PTPN4: variants seen among roughly 807,000 people sequenced by gnomAD.
PTPN4 encodes tyrosine-protein phosphatase non-receptor type 4.
PTPN4 carries 49 observed loss-of-function variants against 135.5 expected under a neutral mutation model. The ratio of observed to expected loss-of-function variants is 0.36; its 90% CI spans 0.29 to 0.46. The LOEUF (loss-of-function observed/expected upper bound fraction) is 0.46, where lower values mean the gene tolerates loss of function less well. PTPN4 is among the 20% of genes least tolerant of loss of function. The probability of loss-of-function intolerance (pLI) is 1.00; values close to 1 mark genes in which losing one functional copy is unlikely to be tolerated. For missense variants in PTPN4, 860 were observed against 1,101.0 expected, an observed-to-expected ratio of 0.78 and a Z score of 3.10; for synonymous variants, 333 against 369.9, an observed-to-expected ratio of 0.90 and a Z score of 1.14.
At chr2:119,912,071 A>T (rs1678578957) in intron 10 of PTPN4, among the ~76,000 whole-genome samples, 1 of 152,244 alleles carries the variant, frequency 6.6e-6, no homozygotes, top group South Asian at 2.1e-4. Context: ...ATGTTGTGGT[A>T]TATCCATAGA....
intron 12 of PTPN4, among the ~76,000 whole-genome samples, chr2:119,922,683 A>G (rs914643884): frequency 5.3e-5 from 8 of 152,180 alleles, no homozygotes; most frequent in Non-Finnish European, 1.5e-5. Flanking sequence ...TCAGGGTCAA[A>G]TTGGAATCAT....
intron 9 of PTPN4, among the ~76,000 whole-genome samples, chr2:119,893,148 A>G (rs186497359): frequency 2.0e-5 from 3 of 152,300 alleles, no homozygotes; most frequent in Non-Finnish European, 4.4e-5. Flanking sequence ...TTGTTTTGAG[A>G]GTATACTATA....
At position 119,845,395 on chromosome 2, in the gene PTPN4, C is replaced by T. The variant is rs1010246320; in HGVS notation, c.139-17141C>T. On this transcript the variant is annotated intron_variant, in intron 2 of 26. Coordinates refer to ENST00000263708, the MANE Select transcript of PTPN4 (RefSeq NM_002830.4). ...TATGAAAAGTTGTTTCTAATTCAGT[C>T]TCTTTACTTATGATAGGTATATTTA... is the stretch of plus-strand genomic sequence containing the variant. Among the ~76,000 whole-genome samples, 6 of 152,146 alleles carry T rather than the reference C, an allele frequency of 3.9e-5. No homozygotes were observed. In the East Asian group the frequency reaches 5.8e-4, roughly 15 times the overall value.
At chr2:119,931,418 T>G (rs1485687483) in intron 13 of PTPN4, among the ~76,000 whole-genome samples, 1 of 146,956 alleles carries the variant, frequency 6.8e-6, no homozygotes, top group Non-Finnish European at 1.5e-5. Context: ...TATGAAGATC[T>G]TTCTTTCTTT....
At chr2:119,844,809 T>C (rs906111274) in intron 2 of PTPN4, among the ~76,000 whole-genome samples, 1 of 130,164 alleles carries the variant, frequency 7.7e-6, no homozygotes, top group Non-Finnish European at 1.6e-5. Flanking sequence ...TCCCAGACGA[T>C]GGGCGGCCAG....
At chr2:119,885,325 G>T (rs1453945283) in intron 8 of PTPN4, among the ~76,000 whole-genome samples, 1 of 152,104 alleles carries the variant, frequency 6.6e-6, no homozygotes, top group Non-Finnish European at 1.5e-5. Context: ...CAGGCAGATT[G>T]CTATACAAGC....
rs1679695555 is a variant in PTPN4, at chr2:119,981,594, G to T, written c.*4524G>T. 1 of 151,954 alleles carries T rather than the reference G, an allele frequency of 6.6e-6. No homozygotes were observed. Among genetic ancestry groups the T allele is most frequent in the Non-Finnish European group, 1.5e-5 (1 of 67,932 alleles). 9.4% of individuals were successfully genotyped at this position (151,954 alleles called of 1,614,324 possible). On this transcript the variant is annotated 3_prime_UTR_variant, in exon 27 of 27. Transcript: ENST00000263708. ...AATTACATAATCCTAAAACATTTTTGAGGGCTAATTGATAATAATTTCAGC... is the reference window on the plus strand; with the variant it reads ...AATTACATAATCCTAAAACATTTTTTAGGGCTAATTGATAATAATTTCAGC...
intron 2 of PTPN4, among the ~76,000 whole-genome samples, chr2:119,820,447 T>C (rs1228115283): frequency 6.6e-6 from 1 of 152,194 alleles, no homozygotes; most frequent in Non-Finnish European, 1.5e-5. Flanking sequence ...TGACTCACTC[T>C]CTGCTGCCTC....
chr2:119,834,215 T>TA (rs1677259377), intron 2 of PTPN4, among the ~76,000 whole-genome samples: 1 of 152,164 alleles, frequency 6.6e-6, no homozygotes, highest in South Asian at 2.1e-4. Context: ...AAATATATAA[T>TA]ACTTGTTTTT....
chr2:119,845,066 C>G (rs1677469096), intron 2 of PTPN4, among the ~76,000 whole-genome samples: 1 of 149,490 alleles, frequency 6.7e-6, no homozygotes, highest in South Asian at 2.1e-4. Flanking sequence ...GCCCGGCCAA[C>G]ACAGCGAAAC....
chr2:119,781,637 C>A (rs746008334), intron 1 of PTPN4, among the ~76,000 whole-genome samples: 2 of 152,054 alleles, frequency 1.3e-5, no homozygotes, highest in African/African-American at 2.4e-5. Context: ...TCAGTATGGC[C>A]TGTGAACTAA....
chr2:119,932,661 G>T, intron 14 of PTPN4, 112 bp downstream of exon 14: 1 of 1,270,278 alleles, frequency 7.9e-7, no homozygotes, highest in Non-Finnish European at 1.1e-6. Context: ...AATTCTTTTG[G>T]TGAAACATGA....
chr2:119,887,574 C>T (rs1678178053), intron 9 of PTPN4, among the ~76,000 whole-genome samples: 1 of 152,152 alleles, frequency 6.6e-6, no homozygotes, highest in South Asian at 2.1e-4. Context: ...GCTAGATGTC[C>T]AGTTTTCTTC....
rs530499884 is a variant in PTPN4 at position 119,939,456 on chromosome 2, A to G, written c.1355+4498A>G. Among the ~76,000 whole-genome samples, 9 of 152,178 alleles carry G rather than the reference A, an allele frequency of 5.9e-5. No homozygotes were observed. The East Asian group carries it at 1.5e-3, about 26-fold the overall frequency. ...GCTGAGACTGCAGGAGCATGACACC[A>G]TGCCCAGCTAATTTTTGTATTTCTT... On this transcript the variant is annotated intron_variant, in intron 15 of 26. Coordinates refer to ENST00000263708, the MANE Select transcript of PTPN4 (RefSeq NM_002830.4).
At chr2:119,771,179 A>T (rs1690727648) in intron 1 of PTPN4, among the ~76,000 whole-genome samples, 4 of 152,232 alleles carry the variant, frequency 2.6e-5, no homozygotes. Context: ...GTGAGGACAC[A>T]TGAAAGTGAT....
At chr2:119,841,166 C>G (rs954041869) in intron 2 of PTPN4, among the ~76,000 whole-genome samples, 9 of 151,888 alleles carry the variant, frequency 5.9e-5, no homozygotes, top group African/African-American at 2.2e-4. Context: ...AACCGCCCAC[C>G]AGATCATAAT....
At chr2:119,805,221 C>CCT (rs1479291454) in intron 1 of PTPN4, among the ~76,000 whole-genome samples, 1 of 152,082 alleles carries the variant, frequency 6.6e-6, no homozygotes, top group East Asian at 1.9e-4. Context: ...AAAATTTTCT[C>CCT]CTGTTTTGTA....
chr2:119,900,567 G>T (rs3106241), intron 9 of PTPN4, 151 bp from the exon 10 acceptor site: 144,521 of 423,870 alleles, frequency 0.34, 28,404 homozygotes, highest in African/African-American at 0.66. Context: ...TTGGTAATAA[G>T]TACCATTTGG....
intron 9 of PTPN4, among the ~76,000 whole-genome samples, chr2:119,889,533 A>C (rs1051685563): frequency 6.6e-6 from 1 of 152,130 alleles, no homozygotes; most frequent in Non-Finnish European, 1.5e-5. Context: ...TGGTTAGTCT[A>C]GCAGTTTATT....
Sources: gnomAD v4.1 joint callset for allele counts (sites outside exome capture counted in the v4.1 genomes callset) on GRCh38, gnomAD v4.1.1 for gene constraint, MANE v1.5 for transcripts, NCBI Gene and HGNC (gene_info 2026-07-23, HGNC 2026-07-21) for gene names.